TOP2B: variants seen among roughly 807,000 people sequenced by gnomAD.
The protein encoded by TOP2B is DNA topoisomerase 2-beta.
In TOP2B, 51 loss-of-function variants were observed where a neutral mutation model predicts 193.5. The ratio of observed to expected loss-of-function variants is 0.26; its 90% CI spans 0.21 to 0.33. The LOEUF is 0.33. Among genes scored for constraint, TOP2B ranks in the 10% least tolerant of loss-of-function variants. The pLI is 1.00. For synonymous variants in TOP2B, 634 were observed against 635.7 expected (o/e 1.00, Z 0.04); for missense variants, 1,378 against 1,909.3 (o/e 0.72, Z 5.19).
At chr3:25,644,710 CA>C (rs1272372439) in intron 2 of TOP2B, among the ~76,000 whole-genome samples, 47 of 106,686 alleles carry the variant, frequency 4.4e-4, no homozygotes, top group Non-Finnish European at 5.3e-4. Flanking sequence ...GGGGGGGCAT[CA>C]GGGGGTGATG....
chr3:25,653,662 G>C (rs543865528), intron 1 of TOP2B, among the ~76,000 whole-genome samples: 2 of 152,016 alleles, frequency 1.3e-5, no homozygotes, highest in Non-Finnish European at 2.9e-5. Flanking sequence ...ACTCCTGGCC[G>C]CAAGCGATTC....
At chr3:25,629,202 T>C in intron 13 of TOP2B, 57 bp from the exon 14 acceptor site, 1 of 1,248,608 alleles carries the variant, frequency 8.0e-7, no homozygotes, top group Non-Finnish European at 1.1e-6. Context: ...AATGATTACT[T>C]ATATAAACAA....
intron 2 of TOP2B, among the ~76,000 whole-genome samples, chr3:25,644,323 T>C (rs568378471): frequency 5.3e-5 from 8 of 152,130 alleles, no homozygotes; most frequent in Non-Finnish European, 1.0e-4. Context: ...TAAGCCAAGT[T>C]CCTAGTAAGC....
At chr3:25,639,670 T>C (rs903256313) in intron 4 of TOP2B, among the ~76,000 whole-genome samples, 1 of 152,236 alleles carries the variant, frequency 6.6e-6, no homozygotes, top group Admixed American at 6.5e-5. Flanking sequence ...TTATGTTGTA[T>C]TATTTAATAA....
chr3:25,608,912 A>G (rs1339800844), intron 30 of TOP2B, among the ~76,000 whole-genome samples: 1 of 152,162 alleles, frequency 6.6e-6, no homozygotes, highest in Non-Finnish European at 1.5e-5. Flanking sequence ...GTATTGTGGC[A>G]AGGTACATTT....
chr3:25,609,582 T>G lies in TOP2B; in HGVS notation c.3917A>C (p.Glu1306Ala). The G allele has an allele frequency of 6.2e-7, 1 of 1,606,696 alleles. No homozygotes were observed. ...PINKGPKPKR[E>A]KKEPGTRVRK... ...TCATTTCTCACCAGGCTCCTTCTTC[T>G]CCCTCTTAGGTTTGGGACCTTTATT... is the stretch of plus-strand genomic sequence containing the variant. The change falls in exon 29 of 36, where the codon GAG becomes GCG. Residue 1306 changes from glutamate (E) to alanine (A), a missense_variant. By Grantham distance (107) the Glu-to-Ala change is moderately radical. Transcript: ENST00000264331.
intron 1 of TOP2B, among the ~76,000 whole-genome samples, chr3:25,649,396 C>T (rs192695053): frequency 6.6e-6 from 1 of 152,050 alleles, no homozygotes; most frequent in Non-Finnish European, 1.5e-5. Context: ...TAAAGAAGCT[C>T]AAAGAACTCC....
At position 25,628,916 on chromosome 3, in the gene TOP2B, T is replaced by C; in HGVS notation, c.1837A>G (p.Ile613Val). ...KNKQELSFYS[I>V]PEFDEWKKHI... ...TTTTTCCATTCGTCAAATTCAGGAATACTGTAGAAGGAAAGTTCCTGCTTA... is the reference window on the plus strand; with the variant it reads ...TTTTTCCATTCGTCAAATTCAGGAACACTGTAGAAGGAAAGTTCCTGCTTA... The change falls in exon 15 of 36, where the codon ATT becomes GTT. Residue 613 changes from isoleucine (I) to valine (V), a missense_variant. Around this residue, in one of 9 missense-constraint regions of TOP2B, gnomAD observed 379 missense variants for 615.1 expected, o/e 0.62. Coordinates refer to ENST00000264331, the MANE Select transcript of TOP2B (RefSeq NM_001330700.2). 6.3e-7 allele frequency: 1 copy of C among 1,598,892 alleles called. No individual in the cohort carries two copies.
chr3:25,653,956 T>G (rs1703672310), intron 1 of TOP2B, among the ~76,000 whole-genome samples: 1 of 151,918 alleles, frequency 6.6e-6, no homozygotes. Context: ...AGAAAACACC[T>G]CAATATAATA....
In TOP2B at chr3:25,632,431, A is replaced by T. The variant is rs1335506578; in HGVS notation, c.1266+15T>A. The stretch of plus-strand genomic sequence containing the variant: ...TCTTAATAACAACAATAAAAAAAAT[A>T]CAAGTTTTACTCACTGCTTTAAAAA... On this transcript the variant is annotated intron_variant, in intron 10 of 35. Coordinates refer to ENST00000264331, the MANE Select transcript of TOP2B (RefSeq NM_001330700.2). The T allele has an allele frequency of 6.5e-7, 1 of 1,531,532 alleles. No individual in the cohort carries two copies. The highest frequency in any genetic ancestry group is 8.8e-7 in the Non-Finnish European group (1 of 1,142,256). 94.9% of individuals were successfully genotyped at this position (1,531,532 alleles called of 1,614,324 possible).
At chr3:25,637,098 T>C (rs1575579106) in intron 6 of TOP2B, 117 bp downstream of exon 6, 1 of 752,440 alleles carries the variant, frequency 1.3e-6, no homozygotes, top group Middle Eastern at 3.7e-4. Flanking sequence ...GGATAATGCT[T>C]TGGAAAAAAA....
intron 33 of TOP2B, among the ~76,000 whole-genome samples, chr3:25,603,764 T>G (rs1166532233): frequency 6.6e-6 from 1 of 152,158 alleles, no homozygotes; most frequent in East Asian, 1.9e-4. Flanking sequence ...CATAAGAAAT[T>G]TTTGAGTCCC....
In TOP2B at chr3:25,664,211, C is replaced by A; in HGVS notation, c.69+18G>T. 1 of 1,539,276 alleles carries A rather than the reference C, an allele frequency of 6.5e-7. No homozygotes were observed. Among genetic ancestry groups the A allele is most frequent in the Non-Finnish European group, 8.7e-7 (1 of 1,146,176 alleles). On this transcript the variant is annotated intron_variant, in intron 1 of 35. Coordinates refer to ENST00000264331, the MANE Select transcript of TOP2B (RefSeq NM_001330700.2). ...CCCGGAACAATGCAGCCGCCCGTCC[C>A]GGGGACCAGCCACTTACCACCCAGG... is the stretch of plus-strand genomic sequence containing the variant.
chr3:25,642,294 T>TA lies in TOP2B; in HGVS notation c.395+27dup, dbSNP rs1220621310. On this transcript the variant is annotated intron_variant, in intron 4 of 35. Coordinates refer to ENST00000264331, the MANE Select transcript of TOP2B (RefSeq NM_001330700.2). ...GGGACTATCTGAATAAAACTTAGCA[T>TA]AAAAAATTAAACTTTAAATATACTT... 2.1e-5 allele frequency: 30 copies of TA among 1,400,408 alleles called. No homozygotes were observed. The East Asian group carries it at 6.3e-4, about 29-fold the overall frequency. 86.7% of individuals were successfully genotyped at this position (1,400,408 alleles called of 1,614,324 possible).
intron 35 of TOP2B, among the ~76,000 whole-genome samples, chr3:25,598,739 A>C (rs1430250571): frequency 6.6e-6 from 1 of 152,212 alleles, no homozygotes; most frequent in Non-Finnish European, 1.5e-5. Flanking sequence ...TTTATTTCTG[A>C]AATTATATAT....
At chr3:25,642,149 T>A (rs1703282557) in intron 4 of TOP2B, among the ~76,000 whole-genome samples, 173 bp downstream of exon 4, 1 of 152,074 alleles carries the variant, frequency 6.6e-6, no homozygotes, top group African/African-American at 2.4e-5. Context: ...AGGGAAGTTC[T>A]TTGGAAGAAA....
Position 25,612,603 on chromosome 3 carries a change from G to C in TOP2B, c.3698C>G (p.Thr1233Arg). Reference sequence around the variant, plus strand: ...TCTTCTGCCATAAGGTGAGGGCATTGTCTCTTCCAACTGGAGTTTCTTCAC... The same window carrying C: ...TCTTCTGCCATAAGGTGAGGGCATTCTCTCTTCCAACTGGAGTTTCTTCAC... ...PKVKKLQLEETMPSPYGRRII... is the reference protein window; with the variant it reads ...PKVKKLQLEERMPSPYGRRII... Residue 1233 changes from threonine to arginine, a missense_variant, in exon 28 of 36, where the codon ACA (threonine) becomes AGA (arginine). This residue lies in a region of TOP2B where 556 missense variants were observed against 584.2 expected (regional missense o/e 0.95). Coordinates refer to ENST00000264331, the MANE Select transcript of TOP2B (RefSeq NM_001330700.2). 6.2e-7 allele frequency: 1 copy of C among 1,613,672 alleles called. No individual in the cohort carries two copies. Among genetic ancestry groups the C allele is most frequent in the Non-Finnish European group, 8.5e-7 (1 of 1,179,812 alleles).
At position 25,634,799 on chromosome 3, in the gene TOP2B, C is replaced by CAAAAA. The variant is rs1224120357; in HGVS notation, c.853-790_853-786dup. Among the ~76,000 whole-genome samples the CAAAAA allele has an allele frequency of 8.5e-4, 82 of 96,366 alleles. 3 individuals are homozygous for CAAAAA. Among genetic ancestry groups the CAAAAA allele is most frequent in the East Asian group, 9.0e-4 (3 of 3,348 alleles). The allele number at this position is 96,366 out of a possible 152,430, so 63.2% of individuals were successfully genotyped here. ...TTACCAAAAAAAAAAAAAAAAAAAC[C>CAAAAA]AAAAAAAGGCTTATTCTGCAGGGCA... is the stretch of plus-strand genomic sequence containing the variant. On this transcript the variant is annotated intron_variant, in intron 7 of 35. Coordinates refer to ENST00000264331, the MANE Select transcript of TOP2B (RefSeq NM_001330700.2).
At chr3:25,601,614 A>C (rs1293849347) in intron 33 of TOP2B, among the ~76,000 whole-genome samples, 1 of 148,076 alleles carries the variant, frequency 6.8e-6, no homozygotes, top group East Asian at 1.9e-4. Context: ...CTCTATCTTC[A>C]AAAAAAAAAA....
Sources: gnomAD v4.1 joint callset for allele counts (sites outside exome capture counted in the v4.1 genomes callset) on GRCh38, gnomAD v4.1.1 for gene constraint, gnomAD v4.1.1 regional missense constraint, MANE v1.5 for transcripts, NCBI Gene and HGNC (gene_info 2026-07-23, HGNC 2026-07-21) for gene names.